Variants in ABCA3 observed in about 807,000 individuals in gnomAD.
ABCA3 encodes the protein phospholipid-transporting ATPase ABCA3.
Under a neutral mutation model 172.8 loss-of-function variants are expected in ABCA3, and 88 were observed. The ratio of observed to expected loss-of-function variants is 0.51; its 90% confidence interval spans 0.43 to 0.61. The LOEUF (loss-of-function observed/expected upper bound fraction) is 0.61. Ranked by LOEUF, ABCA3 falls within the 20% of genes least tolerant of loss-of-function variation. The pLI is 0.00. For missense variants in ABCA3, 2,164 were observed against 2,301.0 expected, an observed-to-expected ratio of 0.94 and a Z score of 1.22; for synonymous variants, 1,066 against 983.8, an observed-to-expected ratio of 1.08 and a Z score of -1.56.
chr16:2,310,042 G>T (rs151110326), intron 10 of ABCA3, among the ~76,000 whole-genome samples: 2 of 151,978 alleles, frequency 1.3e-5, no homozygotes, highest in African/African-American at 4.8e-5. Context: ...TTAATACTAA[G>T]AACATTTAAA....
At position 2,297,873 on chromosome 16, in the gene ABCA3, G is replaced by C. The variant is rs753984024; in HGVS notation, c.1945C>G (p.Leu649Val). Residue 649 changes from leucine to valine, a missense_variant, in exon 16 of 33, where the codon CTG becomes GTG. By Grantham distance (32) the Leu-to-Val change is conservative. This residue lies in a region of ABCA3 where 1,343 missense variants were observed against 1,369.6 expected (regional missense o/e 0.98). Coordinates refer to ENST00000301732, the MANE Select transcript of ABCA3 (RefSeq NM_001089.3). This position sits in a 1 kb window ranked among gnomAD's most constrained non-coding sequence, Gnocchi z 5.6. ...TTGTCCTCCAGGCCGATGATGTGCA[G>C]CATCTGCTTGACTTCTTCAGGGCAC... ...QKCPEEVKQMLHIIGLEDKWN... is the reference protein window; with the variant it reads ...QKCPEEVKQMVHIIGLEDKWN... 1 of 1,613,848 alleles carries C rather than the reference G, an allele frequency of 6.2e-7. No homozygotes were observed. Among genetic ancestry groups the C allele is most frequent in the Non-Finnish European group, 8.5e-7 (1 of 1,180,034 alleles).
chr16:2,325,855 A>T (rs1374885014), intron 5 of ABCA3, among the ~76,000 whole-genome samples, 155 bp downstream of exon 5: 1 of 152,154 alleles, frequency 6.6e-6, no homozygotes, highest in Non-Finnish European at 1.5e-5. Context: ...TGCCTTTTAC[A>T]GGTTGAAGTA....
In ABCA3 at chr16:2,285,378, G is replaced by A. The variant is rs1437633166; in HGVS notation, c.3483+64C>T. On this transcript the variant is annotated intron_variant, in intron 23 of 32. Coordinates refer to ENST00000301732, the MANE Select transcript of ABCA3 (RefSeq NM_001089.3). The surrounding 1 kb of genome is among the most constrained non-coding windows in gnomAD (Gnocchi z 4.7). ...GCCCAGCTGGTTCCGGTTCTGCACA[G>A]GGGTCCCAGGGCAAGCCCTCTGCGG... 1 of 1,543,752 alleles carries A rather than the reference G, an allele frequency of 6.5e-7. No individual in the cohort carries two copies. The highest frequency in any genetic ancestry group is 8.8e-7 in the Non-Finnish European group (1 of 1,142,114).
Position 2,317,365 on chromosome 16 carries a change from G to T in ABCA3, c.1029C>A (p.Pro343=). The part of the protein sequence containing the change: ...PNVAVLSRSD[P]SLVLAFLLCF... Reference sequence around the variant, plus strand: ...ACAGCAGGAAGGCGAGCACCAGGGAGGGGTCGCTGCGGGACAGCACGGCTA... The same window carrying T: ...ACAGCAGGAAGGCGAGCACCAGGGATGGGTCGCTGCGGGACAGCACGGCTA... The change falls in exon 10 of 33, where the codon CCC becomes CCA. Residue 343 remains proline (P), a synonymous_variant. Transcript: ENST00000301732. 1 of 1,614,032 alleles carries T rather than the reference G, an allele frequency of 6.2e-7. No homozygotes were observed. The highest frequency in any genetic ancestry group is 1.3e-5 in the African/African-American group (1 of 75,050).
intron 10 of ABCA3, among the ~76,000 whole-genome samples, chr16:2,309,090 T>G (rs1286250037): frequency 6.6e-6 from 1 of 152,040 alleles, no homozygotes; most frequent in African/African-American, 2.4e-5. Flanking sequence ...GGACTACAGG[T>G]GCCCGCCACC....
intron 10 of ABCA3, among the ~76,000 whole-genome samples, chr16:2,312,524 C>T (rs1325235766): frequency 6.9e-6 from 1 of 144,846 alleles, no homozygotes; most frequent in East Asian, 2.1e-4. Context: ...GTGAAATTGG[C>T]ATTTTTCTTT....
chr16:2,300,143 G>A lies in ABCA3; in HGVS notation c.1473C>T (p.Ser491=). ...CCGCCCTTGGCTTCCCACACCAATA[G>A]GAGGGCTGGGAGGGAAGCAGACAGC... ...PQPWYFFIMP[S]YWCGKPRAVA... The change falls in exon 13 of 33, where the codon TCC becomes TCT. Residue 491 remains serine, a synonymous_variant. Coordinates refer to ENST00000301732, the MANE Select transcript of ABCA3 (RefSeq NM_001089.3). 1 of 1,613,412 alleles carries A rather than the reference G, an allele frequency of 6.2e-7. No individual in the cohort carries two copies. The highest frequency in any genetic ancestry group is 1.1e-5 in the South Asian group (1 of 91,030).
Position 2,283,901 on chromosome 16 carries a change from G to A in ABCA3, c.3862+378C>T, listed in dbSNP as rs1393462865. ...AGACAGGAGACAGGAGCTGCCATGCGAGGATGGAGGCGGTGGTGGGGAGTA... is the reference window on the plus strand; with the variant it reads ...AGACAGGAGACAGGAGCTGCCATGCAAGGATGGAGGCGGTGGTGGGGAGTA... On this transcript the variant is annotated intron_variant, in intron 25 of 32. Transcript: ENST00000301732. The surrounding 1 kb of genome is among the most constrained non-coding windows in gnomAD (Gnocchi z 5.4). 3 of 262,242 alleles carry A rather than the reference G, an allele frequency of 1.1e-5. No homozygotes were observed. The highest frequency in any genetic ancestry group is 4.4e-5 in the African/African-American group (2 of 45,380). 16.2% of individuals were successfully genotyped at this position (262,242 alleles called of 1,614,324 possible).
intron 1 of ABCA3, chr16:2,332,483 C>A: frequency 1.1e-6 from 1 of 946,858 alleles, no homozygotes; most frequent in Admixed American, 1.8e-5. Flanking sequence ...GCCACCAGGG[C>A]TTTGGAGATG....
In ABCA3 at chr16:2,328,499, A is replaced by G. The variant is rs1178642964; in HGVS notation, c.-73T>C. On this transcript the variant is annotated 5_prime_UTR_variant, in exon 3 of 33. Transcript: ENST00000301732. ...TGAGTAAGTTCAAGTAGGCGCTGCA[A>G]CCCGCAGGAAATAGGAGAAACGTGC... 2.0e-6 allele frequency: 1 copy of G among 512,650 alleles called. No individual in the cohort carries two copies. The highest frequency in any genetic ancestry group is 3.9e-6 in the Non-Finnish European group (1 of 257,202). 31.8% of individuals were successfully genotyped at this position (512,650 alleles called of 1,614,324 possible). A position where few individuals can be genotyped will look rare whatever the true frequency, so the allele number is the denominator to read the frequency against.
intron 10 of ABCA3, among the ~76,000 whole-genome samples, chr16:2,313,961 G>A (rs554226428): frequency 1.3e-5 from 2 of 152,000 alleles, no homozygotes; most frequent in African/African-American, 4.8e-5. Context: ...TTAGGATGGC[G>A]ACTATAAAAA....
At chr16:2,307,263 C>T (rs189072299) in intron 11 of ABCA3, among the ~76,000 whole-genome samples, 2 of 152,032 alleles carry the variant, frequency 1.3e-5, no homozygotes, top group East Asian at 2.0e-4. Flanking sequence ...GATGAAAAGT[C>T]CTCGAAACCC....
At chr16:2,301,007 G>A (rs34131601) in intron 12 of ABCA3, among the ~76,000 whole-genome samples, 144,623 of 150,194 alleles carry the variant, frequency 0.96, 69,716 homozygotes, top group East Asian at 1. Flanking sequence ...GAGGCGGGCG[G>A]ATCATGAGGT....
At chr16:2,319,484 CA>C (rs5815117) in intron 8 of ABCA3, 96 bp downstream of exon 8, 5,994 of 1,187,032 alleles carry the variant, frequency 5.0e-3, no homozygotes, top group African/African-American at 0.035. Flanking sequence ...GACTCCAACT[CA>C]AAAAAAAAAA....
intron 3 of ABCA3, among the ~76,000 whole-genome samples, chr16:2,327,491 T>G (rs1360676204): frequency 1.3e-5 from 2 of 152,208 alleles, no homozygotes; most frequent in Non-Finnish European, 2.9e-5. Flanking sequence ...CATAGTGTCC[T>G]GGGTGATTTC....
At chr16:2,338,639 T>A (rs1373299319) in intron 1 of ABCA3, among the ~76,000 whole-genome samples, 3 of 152,146 alleles carry the variant, frequency 2.0e-5, no homozygotes, top group African/African-American at 7.2e-5. Flanking sequence ...TTTCTGGATG[T>A]GTCATGTGGT....
rs956876820 is a variant in ABCA3 at position 2,309,320 on chromosome 16, T to G, written c.1112-697A>C. ...ATTCATGCATTCGTCAGATACGCAC[T>G]GAGCACCTACTCTGTTCTAAGCACC... On this transcript the variant is annotated intron_variant, in intron 10 of 32. Coordinates refer to ENST00000301732, the MANE Select transcript of ABCA3 (RefSeq NM_001089.3). 3.3e-5 allele frequency among the ~76,000 whole-genome samples: 5 copies of G among 152,206 alleles called. No individual in the cohort carries two copies. The East Asian group carries it at 5.8e-4, about 18-fold the overall frequency.
In ABCA3 at chr16:2,286,921, G is replaced by GC; in HGVS notation, c.3050dup (p.Gly1018ArgfsTer3). On this transcript the variant is annotated frameshift_variant, in exon 22 of 33. Coordinates refer to ENST00000301732, the MANE Select transcript of ABCA3 (RefSeq NM_001089.3). LOFTEE classifies it high-confidence loss of function. This position sits in a 1 kb window ranked among gnomAD's most constrained non-coding sequence, Gnocchi z 5.2. ...CCACAAGGCACCGCTCATTAAAGCC[G>GC]CCCCCCTCCACAGAAGCCCTGAAGA... is the stretch of plus-strand genomic sequence containing the variant. 6.2e-7 allele frequency: 1 copy of GC among 1,613,858 alleles called. No individual in the cohort carries two copies.
chr16:2,285,329 G>C lies in ABCA3; in HGVS notation c.3483+113C>G. 2 of 1,315,710 alleles carry C rather than the reference G, an allele frequency of 1.5e-6. No individual in the cohort carries two copies. The highest frequency in any genetic ancestry group is 2.1e-6 in the Non-Finnish European group (2 of 944,356). 81.5% of individuals were successfully genotyped at this position (1,315,710 alleles called of 1,614,324 possible). ...GATTCCAGCTGTCCTCCCTGAGTCGGGCCGAGCTGCCGGCCTAGGGGCTGC... is the reference window on the plus strand; with the variant it reads ...GATTCCAGCTGTCCTCCCTGAGTCGCGCCGAGCTGCCGGCCTAGGGGCTGC... On this transcript the variant is annotated intron_variant, in intron 23 of 32. Coordinates refer to ENST00000301732, the MANE Select transcript of ABCA3 (RefSeq NM_001089.3). This position sits in a 1 kb window ranked among gnomAD's most constrained non-coding sequence, Gnocchi z 4.7.
Sources: allele counts gnomAD v4.1 joint callset (sites outside exome capture counted in the v4.1 genomes callset), GRCh38; gene constraint gnomAD v4.1.1; regional missense constraint gnomAD v4.1.1; non-coding constraint Gnocchi (gnomAD v3.1); transcripts MANE v1.5; gene names NCBI Gene and HGNC (gene_info 2026-07-23, HGNC 2026-07-21).